Variants in SOX6 observed in about 807,000 individuals in gnomAD.
SOX6 encodes the protein transcription factor SOX-6.
Under a neutral mutation model 97.8 loss-of-function variants are expected in SOX6, and 11 were observed. That is an observed-to-expected ratio of 0.11 (90% CI 0.07 to 0.19). The LOEUF is 0.19. Among genes scored for constraint, SOX6 ranks in the 10% least tolerant of loss-of-function variants. The pLI is 1.00. For missense variants in SOX6, 810 were observed against 1,039.5 expected (o/e 0.78, Z 3.04); for synonymous variants, 360 against 371.4 (o/e 0.97, Z 0.35).
intron 4 of SOX6, among the ~76,000 whole-genome samples, chr11:16,523,029 A>C (rs974912662): frequency 2.0e-5 from 3 of 152,172 alleles, no homozygotes; most frequent in Admixed American, 6.5e-5. Flanking sequence ...CACAATAATA[A>C]TGGGAGACTT....
chr11:16,514,098 T>A (rs971339515), intron 4 of SOX6, among the ~76,000 whole-genome samples: 2 of 151,576 alleles, frequency 1.3e-5, no homozygotes, highest in Non-Finnish European at 2.9e-5. Context: ...TTTTTGTAGT[T>A]CCAGCTAGTC....
intron 6 of SOX6, among the ~76,000 whole-genome samples, chr11:16,180,265 A>T (rs1300434702): frequency 6.6e-6 from 1 of 151,830 alleles, no homozygotes; most frequent in Admixed American, 6.6e-5. Flanking sequence ...TCTGTTTACC[A>T]GTTAGCATAA....
intron 1 of SOX6, among the ~76,000 whole-genome samples, chr11:16,467,407 A>G (rs898277001): frequency 1.3e-5 from 2 of 152,250 alleles, no homozygotes; most frequent in African/African-American, 4.8e-5. Context: ...TCAACGATAG[A>G]CTGAATAAAT....
chr11:16,258,504 A>G (rs1353647705), intron 3 of SOX6, among the ~76,000 whole-genome samples: 2 of 152,070 alleles, frequency 1.3e-5, no homozygotes, highest in African/African-American at 4.8e-5. Flanking sequence ...CATTCTAGAA[A>G]AAATAAAACT....
intron 4 of SOX6, among the ~76,000 whole-genome samples, chr11:16,567,129 T>A (rs1488276965): frequency 6.6e-6 from 1 of 152,182 alleles, no homozygotes; most frequent in Non-Finnish European, 1.5e-5. Flanking sequence ...TGACAAGTCA[T>A]GTTAACTCTA....
At chr11:16,457,960 A>G (rs1199351638) in intron 1 of SOX6, among the ~76,000 whole-genome samples, 1 of 151,886 alleles carries the variant, frequency 6.6e-6, no homozygotes, top group East Asian at 1.9e-4. Context: ...CTATACTCTC[A>G]CCTTCACAGG....
intron 6 of SOX6, among the ~76,000 whole-genome samples, chr11:16,140,384 C>T (rs996894069): frequency 1.3e-5 from 2 of 152,076 alleles, no homozygotes; most frequent in Non-Finnish European, 2.9e-5. Context: ...CTGTTTCCTC[C>T]CTTTCATTTA....
rs189372337 is a variant in SOX6, at chr11:16,038,030, T to A, written c.1623+8484A>T. Among the ~76,000 whole-genome samples, 1,224 of 152,250 alleles carry A rather than the reference T, an allele frequency of 8.0e-3. 16 individuals are homozygous for A. The highest frequency in any genetic ancestry group is 0.027 in the African/African-American group (1,114 of 41,546). On this transcript the variant is annotated intron_variant, in intron 12 of 15. Coordinates refer to ENST00000683767, the MANE Select transcript of SOX6 (RefSeq NM_001367873.1). Reference sequence around the variant, plus strand: ...GGAAGGAAAATATTAAAATTTTTTTTAAATTAAAAATAACAATACAAATAA... The same window carrying A: ...GGAAGGAAAATATTAAAATTTTTTTAAAATTAAAAATAACAATACAAATAA...
At chr11:16,608,622 T>C (rs1468365800) in intron 4 of SOX6, among the ~76,000 whole-genome samples, 2 of 151,258 alleles carry the variant, frequency 1.3e-5, no homozygotes, top group East Asian at 3.9e-4. Flanking sequence ...GAAAAAGCAA[T>C]TCACACAGGA....
chr11:16,721,737 G>A (rs557367355), intron 2 of SOX6, among the ~76,000 whole-genome samples: 7 of 150,554 alleles, frequency 4.6e-5, no homozygotes, highest in African/African-American at 1.7e-4. Context: ...CATGCCTCTA[G>A]TATAGCCTGG....
chr11:16,692,093 G>A (rs1309057130), intron 3 of SOX6, among the ~76,000 whole-genome samples: 3 of 76,142 alleles, frequency 3.9e-5, no homozygotes, highest in South Asian at 3.4e-4. Context: ...GTGTGTGCGC[G>A]CGCGCGCTTT....
rs138363689 is a variant in SOX6, at chr11:16,119,000, T to C, written c.778-7077A>G. ...AAAATAGAGAGTTCAGAAAAAGTGA[T>C]CTTGGGAGAGAGAGAAGGTGGGAGA... On this transcript the variant is annotated intron_variant, in intron 6 of 15. Coordinates refer to ENST00000683767, the MANE Select transcript of SOX6 (RefSeq NM_001367873.1). 4.6e-3 allele frequency among the ~76,000 whole-genome samples: 698 copies of C among 152,178 alleles called. 3 individuals carry two copies. Among genetic ancestry groups the C allele is most frequent in the Non-Finnish European group, 7.4e-3 (501 of 67,984 alleles).
At chr11:16,516,059 A>G (rs1285883128) in intron 4 of SOX6, among the ~76,000 whole-genome samples, 3 of 151,150 alleles carry the variant, frequency 2.0e-5, no homozygotes, top group Non-Finnish European at 4.4e-5. Context: ...ATGAACTTTA[A>G]AGTAGTTTTT....
chr11:16,302,106 G>A (rs1003989373), intron 3 of SOX6, among the ~76,000 whole-genome samples: 3 of 152,044 alleles, frequency 2.0e-5, no homozygotes, highest in Non-Finnish European at 2.9e-5. Flanking sequence ...TTTAGAGTCT[G>A]ATTAGTACCT....
intron 3 of SOX6, among the ~76,000 whole-genome samples, chr11:16,639,231 G>A (rs74347233): frequency 0.17 from 25,285 of 152,058 alleles, 2,203 homozygotes; most frequent in Non-Finnish European, 0.18. Flanking sequence ...TTGTAGATGT[G>A]TGGCATTATT....
intron 4 of SOX6, among the ~76,000 whole-genome samples, chr11:16,583,961 G>C (rs1565186572): frequency 6.6e-6 from 1 of 152,010 alleles, no homozygotes; most frequent in Non-Finnish European, 1.5e-5. Flanking sequence ...ACTGGGGCGA[G>C]ATAATATCAC....
At chr11:15,985,314 A>G (rs1270978576) in intron 15 of SOX6, among the ~76,000 whole-genome samples, 2 of 151,934 alleles carry the variant, frequency 1.3e-5, no homozygotes, top group African/African-American at 4.8e-5. Context: ...CAGCTCCTCA[A>G]TTCTCCTCCA....
At chr11:16,606,666 G>A (rs763655740) in intron 4 of SOX6, among the ~76,000 whole-genome samples, 1 of 152,214 alleles carries the variant, frequency 6.6e-6, no homozygotes, top group South Asian at 2.1e-4. Flanking sequence ...GAGGTGGGCC[G>A]AGAGGGCAGA....
intron 4 of SOX6, among the ~76,000 whole-genome samples, chr11:16,512,423 T>A (rs1372393492): frequency 6.6e-6 from 1 of 152,164 alleles, no homozygotes; most frequent in Non-Finnish European, 1.5e-5. Context: ...AAAGCAACTA[T>A]GCTAAAATCC....
Sources: allele counts gnomAD v4.1 joint callset (sites outside exome capture counted in the v4.1 genomes callset), GRCh38; gene constraint gnomAD v4.1.1; transcripts MANE v1.5; gene names NCBI Gene and HGNC (gene_info 2026-07-23, HGNC 2026-07-21).